Variants in CFAP77 observed in about 807,000 individuals in gnomAD.
CFAP77 encodes the protein cilia- and flagella-associated protein 77.
CFAP77 carries 25 observed loss-of-function variants against 31.1 expected under a neutral mutation model. The observed-to-expected ratio is 0.80, with a 90% CI of 0.59 to 1.12. CFAP77 has a LOEUF of 1.12. Among genes scored for constraint, CFAP77 ranks in the 50% most tolerant of loss-of-function variants. CFAP77 has a pLI of 0.00. For missense variants in CFAP77, 377 were observed against 397.3 expected (o/e 0.95, Z 0.44); for synonymous variants, 151 against 159.9 (o/e 0.94, Z 0.42).
At chr9:132,411,630 G>C (rs1850003975) in intron 1 of CFAP77, among the ~76,000 whole-genome samples, 1 of 152,180 alleles carries the variant, frequency 6.6e-6, no homozygotes, top group Non-Finnish European at 1.5e-5. Context: ...TTCTACGTGA[G>C]AAGAGCCACT....
chr9:132,557,505 G>C (rs1322954837), intron 5 of CFAP77, among the ~76,000 whole-genome samples: 1 of 152,194 alleles, frequency 6.6e-6, no homozygotes, highest in African/African-American at 2.4e-5. Flanking sequence ...TTAGGGTCAA[G>C]CTCAAGATTT....
intron 1 of CFAP77, among the ~76,000 whole-genome samples, chr9:132,475,984 C>G (rs917849654): frequency 7.2e-5 from 11 of 152,240 alleles, no homozygotes; most frequent in Admixed American, 7.2e-4. Flanking sequence ...TTTGCCGCTG[C>G]CTGCATTTCT....
At chr9:132,522,225 G>C (rs1021742998) in intron 3 of CFAP77, among the ~76,000 whole-genome samples, 1 of 152,170 alleles carries the variant, frequency 6.6e-6, no homozygotes, top group Non-Finnish European at 1.5e-5. Context: ...TGTGCACCTG[G>C]CTTGCTGGGC....
rs1238155999 is a variant in CFAP77 at position 132,561,637 on chromosome 9, ACACACACACACACACACACACACACC to A, written c.733-10749_733-10724del. 1.3e-3 allele frequency among the ~76,000 whole-genome samples: 174 copies of A among 138,924 alleles called. 3 individuals carry two copies. The highest frequency in any genetic ancestry group is 7.1e-3 in the Middle Eastern group (2 of 280). The allele number at this position is 138,924 out of a possible 152,430, so 91.1% of individuals were successfully genotyped here. A position where few individuals can be genotyped will look rare whatever the true frequency, so the allele number is the denominator to read the frequency against. On this transcript the variant is annotated intron_variant, in intron 5 of 5. Transcript: ENST00000393216. ...CACACACACACACACACACACACACACACACACACACACACACACACACACCCCCTCCATGTGTCTCTGGGATGGGT... is the reference window on the plus strand; with the variant it reads ...CACACACACACACACACACACACACACCCTCCATGTGTCTCTGGGATGGGT...
intron 5 of CFAP77, among the ~76,000 whole-genome samples, chr9:132,563,076 G>A (rs1829842399): frequency 6.6e-6 from 1 of 152,004 alleles, no homozygotes; most frequent in South Asian, 2.1e-4. Context: ...CTGGAGTGCA[G>A]GGGTAAGATC....
intron 5 of CFAP77, among the ~76,000 whole-genome samples, chr9:132,570,124 C>G (rs1300028877): frequency 1.3e-5 from 2 of 152,196 alleles, no homozygotes; most frequent in Non-Finnish European, 2.9e-5. Context: ...ACAAAGGTGT[C>G]ACTAGAAGCC....
intron 4 of CFAP77, 138 bp downstream of exon 4, chr9:132,537,844 C>T (rs61740103): frequency 1.5e-6 from 1 of 655,944 alleles, no homozygotes; most frequent in Non-Finnish European, 2.7e-6. Context: ...GCATCTTCTG[C>T]CCAGCATCAG....
chr9:132,553,579 C>T (rs544222904), intron 5 of CFAP77, among the ~76,000 whole-genome samples: 20 of 152,348 alleles, frequency 1.3e-4, no homozygotes, highest in African/African-American at 4.3e-4. Flanking sequence ...TCTTGATCCC[C>T]ATGGAATCAC....
intron 1 of CFAP77, among the ~76,000 whole-genome samples, chr9:132,470,594 T>A (rs1358341511): frequency 6.6e-6 from 1 of 152,246 alleles, no homozygotes; most frequent in Non-Finnish European, 1.5e-5. Context: ...AAATTTGGGC[T>A]GTTTCCCAAG....
At position 132,499,768 on chromosome 9, in the gene CFAP77, G is replaced by A. The variant is rs1008345771; in HGVS notation, c.524+168G>A. 1.3e-5 allele frequency among the ~76,000 whole-genome samples: 2 copies of A among 152,116 alleles called. No individual in the cohort carries two copies. The highest frequency in any genetic ancestry group is 2.9e-5 in the Non-Finnish European group (2 of 68,012). On this transcript the variant is annotated intron_variant, in intron 3 of 5. Transcript: ENST00000393216. The surrounding 1 kb of genome is among the most constrained non-coding windows in gnomAD (Gnocchi z 5.4). Reference sequence around the variant, plus strand: ...CCTCTATAGCCACACCCTGAATCCTGCTGAGCTGGGTCCTGGCCTTATAGC... The same window carrying A: ...CCTCTATAGCCACACCCTGAATCCTACTGAGCTGGGTCCTGGCCTTATAGC...
At chr9:132,544,226 C>T (rs1055759790) in intron 5 of CFAP77, among the ~76,000 whole-genome samples, 1 of 152,224 alleles carries the variant, frequency 6.6e-6, no homozygotes, top group Non-Finnish European at 1.5e-5. Flanking sequence ...TGACCATGCG[C>T]CCTGCCGCCC....
chr9:132,476,826 C>A (rs1414419769), intron 1 of CFAP77, among the ~76,000 whole-genome samples: 6 of 152,142 alleles, frequency 3.9e-5, no homozygotes, highest in African/African-American at 1.4e-4. Context: ...CCCCTCGGAG[C>A]CCCAGAAGGA....
At chr9:132,521,099 G>A (rs1046307275) in intron 3 of CFAP77, among the ~76,000 whole-genome samples, 4 of 152,256 alleles carry the variant, frequency 2.6e-5, no homozygotes, top group African/African-American at 9.6e-5. Context: ...TCTTCAGGAA[G>A]GGGTTGCTTC....
chr9:132,514,077 A>C (rs1036458447), intron 3 of CFAP77, among the ~76,000 whole-genome samples: 2 of 61,934 alleles, frequency 3.2e-5, no homozygotes, highest in Non-Finnish European at 6.4e-5. Context: ...ACCACAGGTG[A>C]TGGTGAGATG....
At position 132,537,611 on chromosome 9, in the gene CFAP77, C is replaced by A. The variant is rs1040472208; in HGVS notation, c.535C>A (p.Pro179Thr). The change falls in exon 4 of 6, where the codon CCC becomes ACC. Residue 179 changes from proline to threonine, a missense_variant. Coordinates refer to ENST00000393216, the MANE Select transcript of CFAP77 (RefSeq NM_001282957.2). The part of the protein sequence containing the change: ...TFGIRARPST[P>T]FFDLLQHRYL... ...ACTTCTTCCCTCCAGGCCTTCCACACCCTTCTTTGATCTGCTGCAGCACCG... is the reference window on the plus strand; with the variant it reads ...ACTTCTTCCCTCCAGGCCTTCCACAACCTTCTTTGATCTGCTGCAGCACCG... 10 of 1,612,028 alleles carry A rather than the reference C, an allele frequency of 6.2e-6. No individual in the cohort carries two copies. Among genetic ancestry groups the A allele is most frequent in the Non-Finnish European group, 8.5e-6 (10 of 1,179,054 alleles).
chr9:132,458,357 G>GGGCGGGGAGTGT (rs139008147), intron 1 of CFAP77, among the ~76,000 whole-genome samples: 4 of 119,094 alleles, frequency 3.4e-5, no homozygotes, highest in African/African-American at 1.3e-4. Context: ...GAGGGGGGGG[G>GGGCGGGGAGTGT]GTGTGTATGG....
At chr9:132,524,930 G>A (rs778303317) in intron 3 of CFAP77, among the ~76,000 whole-genome samples, 2 of 149,322 alleles carry the variant, frequency 1.3e-5, no homozygotes, top group African/African-American at 2.4e-5. Flanking sequence ...TTACAGGCGT[G>A]AGCCACTGTA....
chr9:132,499,618 C>T lies in CFAP77; in HGVS notation c.524+18C>T. 6.2e-7 allele frequency: 1 copy of T among 1,611,926 alleles called. No homozygotes were observed. Among genetic ancestry groups the T allele is most frequent in the Non-Finnish European group, 8.5e-7 (1 of 1,178,036 alleles). On this transcript the variant is annotated intron_variant, in intron 3 of 5. Transcript: ENST00000393216. The surrounding 1 kb of genome is among the most constrained non-coding windows in gnomAD (Gnocchi z 5.4). Reference sequence around the variant, plus strand: ...CGGGCACGGTAAGGTGGCTGGCAGCCAGGGCTTCATCCCTTGAGGGGGTGG... The same window carrying T: ...CGGGCACGGTAAGGTGGCTGGCAGCTAGGGCTTCATCCCTTGAGGGGGTGG...
chr9:132,452,563 G>T (rs1362674341), intron 1 of CFAP77, among the ~76,000 whole-genome samples: 1 of 152,168 alleles, frequency 6.6e-6, no homozygotes, highest in Admixed American at 6.5e-5. Context: ...CTCTGAAGAA[G>T]GTGGCTTTTC....
Sources: allele counts gnomAD v4.1 joint callset (sites outside exome capture counted in the v4.1 genomes callset), GRCh38; gene constraint gnomAD v4.1.1; non-coding constraint Gnocchi (gnomAD v3.1); transcripts MANE v1.5; gene names NCBI Gene and HGNC (gene_info 2026-07-23, HGNC 2026-07-21).